Variants in RFX3 observed in about 807,000 individuals in gnomAD.
RFX3 encodes the protein transcription factor RFX3.
RFX3 carries 14 observed loss-of-function variants against 98.6 expected under a neutral mutation model. The ratio of observed to expected loss-of-function variants is 0.14; its 90% CI spans 0.09 to 0.22. RFX3 has a LOEUF of 0.22. RFX3 is among the 10% of genes least tolerant of loss of function. RFX3 has a pLI of 1.00. For synonymous variants in RFX3, 383 were observed against 328.4 expected, an observed-to-expected ratio of 1.17 and a Z score of -1.80; for missense variants, 639 against 926.9, an observed-to-expected ratio of 0.69 and a Z score of 4.03.
chr9:3,292,833 G>C (rs1366510505), intron 6 of RFX3, among the ~76,000 whole-genome samples: 1 of 152,110 alleles, frequency 6.6e-6, no homozygotes, highest in African/African-American at 2.4e-5. Context: ...TTTCTATGTA[G>C]TTTGAGAATC....
At chr9:3,482,795 CTATATTA>C (rs944673846) in intron 1 of RFX3, among the ~76,000 whole-genome samples, 27 of 151,900 alleles carry the variant, frequency 1.8e-4, no homozygotes, top group African/African-American at 6.3e-4. Context: ...GCTAAGTGTG[CTATATTA>C]TATGTCTTTG....
At chr9:3,365,961 C>G (rs978128360) in intron 2 of RFX3, among the ~76,000 whole-genome samples, 1 of 151,854 alleles carries the variant, frequency 6.6e-6, no homozygotes, top group Non-Finnish European at 1.5e-5. Context: ...TTAGGAGTTA[C>G]CACTGGGAGG....
At chr9:3,515,356 A>T (rs1032693440) in intron 1 of RFX3, among the ~76,000 whole-genome samples, 1 of 152,210 alleles carries the variant, frequency 6.6e-6, no homozygotes, top group African/African-American at 2.4e-5. Flanking sequence ...AACAAAATTA[A>T]ACAGAATGCC....
chr9:3,353,825 A>G (rs543553550), intron 2 of RFX3, among the ~76,000 whole-genome samples: 53 of 152,100 alleles, frequency 3.5e-4, no homozygotes, highest in Non-Finnish European at 7.2e-4. Flanking sequence ...GGGAAGTGTG[A>G]CCTGTAATCA....
chr9:3,401,907 C>A (rs1042483689), intron 1 of RFX3, among the ~76,000 whole-genome samples: 4 of 152,160 alleles, frequency 2.6e-5, no homozygotes, highest in African/African-American at 9.7e-5. Context: ...AACCCAGATG[C>A]TGAATGGAAC....
chr9:3,349,900 T>C (rs1834897501), intron 2 of RFX3, among the ~76,000 whole-genome samples: 1 of 152,038 alleles, frequency 6.6e-6, no homozygotes, highest in South Asian at 2.1e-4. Flanking sequence ...CACTACAACA[T>C]TCAGAAGTGA....
chr9:3,286,063 G>A (rs1025198254), intron 7 of RFX3, among the ~76,000 whole-genome samples: 5 of 151,768 alleles, frequency 3.3e-5, no homozygotes, highest in Non-Finnish European at 5.9e-5. Flanking sequence ...GGCTTCAACT[G>A]TCTTAGGTAT....
At chr9:3,440,424 A>G (rs1682544595) in intron 1 of RFX3, among the ~76,000 whole-genome samples, 1 of 152,124 alleles carries the variant, frequency 6.6e-6, no homozygotes, top group African/African-American at 2.4e-5. Flanking sequence ...ATTTAAATCC[A>G]TTGTATATCA....
intron 4 of RFX3, among the ~76,000 whole-genome samples, chr9:3,315,785 T>C (rs1364104198): frequency 6.6e-6 from 1 of 152,110 alleles, no homozygotes; most frequent in Non-Finnish European, 1.5e-5. Flanking sequence ...AAGAAATGGA[T>C]AAATTCCTGG....
chr9:3,514,419 A>G (rs893370047), intron 1 of RFX3, among the ~76,000 whole-genome samples: 2 of 152,166 alleles, frequency 1.3e-5, no homozygotes, highest in Non-Finnish European at 2.9e-5. Context: ...CTAATTGAAA[A>G]GTAATTTTTT....
At chr9:3,251,793 T>G (rs1261119679) in intron 14 of RFX3, among the ~76,000 whole-genome samples, 1 of 152,174 alleles carries the variant, frequency 6.6e-6, no homozygotes, top group South Asian at 2.1e-4. Flanking sequence ...AGATACAGAA[T>G]GAGTCTTTCT....
chr9:3,308,631 C>G (rs560477771), intron 4 of RFX3, among the ~76,000 whole-genome samples: 1 of 152,080 alleles, frequency 6.6e-6, no homozygotes, highest in Non-Finnish European at 1.5e-5. Context: ...AGATGTCATA[C>G]GACAAAGTGC....
intron 1 of RFX3, among the ~76,000 whole-genome samples, chr9:3,522,457 G>A (rs1443039522): frequency 6.6e-6 from 1 of 152,138 alleles, no homozygotes; most frequent in Non-Finnish European, 1.5e-5. Context: ...AAATGTTAAA[G>A]TTTACTTCTT....
chr9:3,507,419 T>C (rs1397075096), intron 1 of RFX3, among the ~76,000 whole-genome samples: 1 of 151,962 alleles, frequency 6.6e-6, no homozygotes. Flanking sequence ...TTTGACTATG[T>C]CATATACTGT....
chr9:3,252,141 A>G (rs113957045), intron 14 of RFX3, among the ~76,000 whole-genome samples: 5 of 152,328 alleles, frequency 3.3e-5, no homozygotes, highest in African/African-American at 1.2e-4. Context: ...TCATGTGAAC[A>G]ACTAAGGAGA....
intron 2 of RFX3, chr9:3,364,404 G>A (rs774108010): frequency 2.7e-5 from 6 of 225,620 alleles, no homozygotes; most frequent in South Asian, 6.4e-5. Context: ...CAAAATGGGC[G>A]GTCTTTTTCT....
At chr9:3,350,778 A>G (rs1266876651) in intron 2 of RFX3, among the ~76,000 whole-genome samples, 2 of 152,132 alleles carry the variant, frequency 1.3e-5, no homozygotes, top group African/African-American at 2.4e-5. Flanking sequence ...GAAATGAACT[A>G]CCAAGCCATG....
chr9:3,352,312 A>G (rs898170348), intron 2 of RFX3, among the ~76,000 whole-genome samples: 2 of 152,052 alleles, frequency 1.3e-5, no homozygotes, highest in African/African-American at 4.8e-5. Flanking sequence ...ATTCATATAA[A>G]CAAGAATAGA....
chr9:3,470,872 G>C (rs1848716379), intron 1 of RFX3, among the ~76,000 whole-genome samples: 1 of 152,164 alleles, frequency 6.6e-6, no homozygotes, highest in Non-Finnish European at 1.5e-5. Context: ...GGCTCTTCTA[G>C]CATTCTAACA....
Sources: gnomAD v4.1 joint callset for allele counts (sites outside exome capture counted in the v4.1 genomes callset) on GRCh38, gnomAD v4.1.1 for gene constraint, MANE v1.5 for transcripts, NCBI Gene and HGNC (gene_info 2026-07-23, HGNC 2026-07-21) for gene names.